The following EXOC6B variants were observed in gnomAD, a reference collection of about 807,000 sequenced individuals.
The protein encoded by EXOC6B is exocyst complex component 6B.
In EXOC6B, 54 loss-of-function variants were observed where a neutral mutation model predicts 113.5. The observed-to-expected ratio is 0.48, with a 90% CI of 0.38 to 0.60. The LOEUF (loss-of-function observed/expected upper bound fraction) is 0.60, where lower values mean the gene tolerates loss of function less well. Ranked by LOEUF, EXOC6B falls within the 20% of genes least tolerant of loss-of-function variation. The pLI is 0.00. For synonymous variants in EXOC6B, 357 were observed against 339.0 expected, an observed-to-expected ratio of 1.05 and a Z score of -0.58; for missense variants, 797 against 977.5, an observed-to-expected ratio of 0.82 and a Z score of 2.46.
intron 5 of EXOC6B, among the ~76,000 whole-genome samples, chr2:72,727,449 A>T (rs1680367420): frequency 6.6e-6 from 1 of 152,214 alleles, no homozygotes; most frequent in African/African-American, 2.4e-5. Context: ...ACTGAAAAAG[A>T]CTAAAGAGAC....
chr2:72,207,652 G>A (rs1679916155), intron 20 of EXOC6B, among the ~76,000 whole-genome samples: 1 of 152,178 alleles, frequency 6.6e-6, no homozygotes, highest in African/African-American at 2.4e-5. Context: ...TTCCAGAATA[G>A]TGTAACGATT....
chr2:72,733,116 A>G lies in EXOC6B; in HGVS notation c.282T>C (p.Asn94=), dbSNP rs1326890344. The G allele has an allele frequency of 2.5e-6, 4 of 1,588,352 alleles. No homozygotes were observed. The East Asian group carries it at 9.0e-5, about 36-fold the overall frequency. ...GTTTTCTATTAGTATCCGTCACTTG[A>G]TTCTGTGGAGAGAAGACAATTTAAA... ...KVRGEAQKLK[N]QVTDTNRKLQ... The change falls in exon 3 of 22, where the codon AAT becomes AAC. Residue 94 remains asparagine, a splice_region_variant and synonymous_variant. Transcript: ENST00000272427.
intron 6 of EXOC6B, among the ~76,000 whole-genome samples, chr2:72,717,342 A>C (rs749936580): frequency 1.3e-5 from 2 of 152,182 alleles, no homozygotes; most frequent in Non-Finnish European, 2.9e-5. Flanking sequence ...ATTCAAGAAC[A>C]CTATTGTTTA....
rs1558781858 is a variant in EXOC6B, at chr2:72,545,579, GT to G, written c.915+13873del. On this transcript the variant is annotated intron_variant, in intron 8 of 21. Transcript: ENST00000272427. ...GAACTATTTCATAACACAATTCAGA[GT>G]GAGGTAGTCTCTACATAACGAGGTG... 2.0e-5 allele frequency among the ~76,000 whole-genome samples: 3 copies of G among 152,182 alleles called. No homozygotes were observed. In the East Asian group the frequency reaches 5.8e-4, roughly 29 times the overall value.
At chr2:72,256,064 C>T (rs1683336333) in intron 20 of EXOC6B, among the ~76,000 whole-genome samples, 1 of 152,010 alleles carries the variant, frequency 6.6e-6, no homozygotes, top group Non-Finnish European at 1.5e-5. Flanking sequence ...AATTAAATGA[C>T]AAAAGTCCTT....
intron 1 of EXOC6B, among the ~76,000 whole-genome samples, chr2:72,804,414 G>C (rs1380140939): frequency 6.6e-6 from 1 of 152,090 alleles, no homozygotes; most frequent in Non-Finnish European, 1.5e-5. Flanking sequence ...CATTATTATA[G>C]TGACAACATA....
At chr2:72,488,992 C>T (rs979859287) in intron 16 of EXOC6B, among the ~76,000 whole-genome samples, 2 of 152,188 alleles carry the variant, frequency 1.3e-5, no homozygotes, top group South Asian at 4.1e-4. Context: ...ACTCCAGCTA[C>T]CCTAGCCTCC....
At chr2:72,209,292 T>G (rs769122080) in intron 20 of EXOC6B, among the ~76,000 whole-genome samples, 1 of 150,180 alleles carries the variant, frequency 6.7e-6, no homozygotes, top group African/African-American at 2.5e-5. Flanking sequence ...TTAATCTTAC[T>G]TAGTTGTCTC....
chr2:72,719,254 G>A (rs552071085), intron 5 of EXOC6B, among the ~76,000 whole-genome samples: 1 of 152,292 alleles, frequency 6.6e-6, no homozygotes, highest in Admixed American at 6.5e-5. Context: ...GAGAGATGCT[G>A]TTAGTGAAAG....
Position 72,513,117 on chromosome 2 carries a change from G to A in EXOC6B, c.1167+15C>T, listed in dbSNP as rs775572928. ...TCAGCTCTAAATAACAACTTCCCTTGGGCTTCTTACATACCGAGTGGGTAC... is the reference window on the plus strand; with the variant it reads ...TCAGCTCTAAATAACAACTTCCCTTAGGCTTCTTACATACCGAGTGGGTAC... On this transcript the variant is annotated intron_variant, in intron 11 of 21. Transcript: ENST00000272427. 1 of 1,611,972 alleles carries A rather than the reference G, an allele frequency of 6.2e-7. No homozygotes were observed. The highest frequency in any genetic ancestry group is 8.5e-7 in the Non-Finnish European group (1 of 1,178,874).
intron 20 of EXOC6B, among the ~76,000 whole-genome samples, chr2:72,242,809 T>A (rs1332613744): frequency 6.6e-6 from 1 of 152,212 alleles, no homozygotes; most frequent in Non-Finnish European, 1.5e-5. Flanking sequence ...CATAGCTCAC[T>A]GAAGCCTTGA....
intron 11 of EXOC6B, among the ~76,000 whole-genome samples, chr2:72,511,637 T>C (rs1228583463): frequency 6.6e-6 from 1 of 152,102 alleles, no homozygotes; most frequent in African/African-American, 2.4e-5. Flanking sequence ...CTCCATGTTA[T>C]CCCACCTTCA....
intron 6 of EXOC6B, among the ~76,000 whole-genome samples, chr2:72,650,937 T>C (rs1315589553): frequency 1.3e-5 from 2 of 150,394 alleles, no homozygotes; most frequent in African/African-American, 2.4e-5. Context: ...CAGTGAGCTA[T>C]GATCACACCA....
intron 1 of EXOC6B, among the ~76,000 whole-genome samples, chr2:72,758,646 A>G (rs962508800): frequency 6.6e-6 from 1 of 152,188 alleles, no homozygotes; most frequent in Non-Finnish European, 1.5e-5. Flanking sequence ...GTACAGGGAA[A>G]AAAGGAACCT....
chr2:72,545,596 T>C (rs930358186), intron 8 of EXOC6B, among the ~76,000 whole-genome samples: 1 of 152,204 alleles, frequency 6.6e-6, no homozygotes, highest in Non-Finnish European at 1.5e-5. Flanking sequence ...AGTCTCTACA[T>C]AACGAGGTGT....
At chr2:72,766,443 T>C (rs912031706) in intron 1 of EXOC6B, among the ~76,000 whole-genome samples, 2 of 152,100 alleles carry the variant, frequency 1.3e-5, no homozygotes, top group African/African-American at 4.8e-5. Flanking sequence ...GATTCACAGA[T>C]GATCTAGATA....
At chr2:72,232,336 T>C (rs1167555054) in intron 20 of EXOC6B, among the ~76,000 whole-genome samples, 1 of 152,106 alleles carries the variant, frequency 6.6e-6, no homozygotes, top group African/African-American at 2.4e-5. Flanking sequence ...ATAGTGAGAT[T>C]AAAATGGGCC....
intron 5 of EXOC6B, among the ~76,000 whole-genome samples, chr2:72,725,650 C>A (rs1680254283): frequency 6.6e-6 from 1 of 152,170 alleles, no homozygotes; most frequent in African/African-American, 2.4e-5. Context: ...CCTCGGCCTC[C>A]CAAAGTGCTG....
At chr2:72,723,009 C>G (rs1680101071) in intron 5 of EXOC6B, among the ~76,000 whole-genome samples, 1 of 152,100 alleles carries the variant, frequency 6.6e-6, no homozygotes, top group South Asian at 2.1e-4. Context: ...CCAGTATAGT[C>G]ACATTTTAAC....
Sources: allele counts gnomAD v4.1 joint callset (sites outside exome capture counted in the v4.1 genomes callset), GRCh38; gene constraint gnomAD v4.1.1; transcripts MANE v1.5; gene names NCBI Gene and HGNC (gene_info 2026-07-23, HGNC 2026-07-21).